CCDC30: variants seen among roughly 807,000 people sequenced by gnomAD.
CCDC30 encodes coiled-coil domain-containing protein 30.
In CCDC30, 70 loss-of-function variants were observed where a neutral mutation model predicts 100.2. The ratio of observed to expected loss-of-function variants is 0.70; its 90% confidence interval spans 0.58 to 0.85. CCDC30 has a LOEUF of 0.85. Among genes scored for constraint, CCDC30 ranks in the 40% least tolerant of loss-of-function variants. CCDC30 has a pLI of 0.00. For missense variants in CCDC30, 652 were observed against 771.2 expected (o/e 0.85, Z 1.83); for synonymous variants, 233 against 269.5 (o/e 0.86, Z 1.33).
chr1:42,572,482 T>C (rs1411838509), intron 7 of CCDC30, among the ~76,000 whole-genome samples: 1 of 152,236 alleles, frequency 6.6e-6, no homozygotes, highest in Non-Finnish European at 1.5e-5. Flanking sequence ...ATATATCTTT[T>C]GATGAATCAA....
chr1:42,633,902 C>G (rs1041432337), intron 11 of CCDC30, among the ~76,000 whole-genome samples: 1 of 152,110 alleles, frequency 6.6e-6, no homozygotes, highest in African/African-American at 2.4e-5. Context: ...AACTTACAAT[C>G]GTGGCACAAG....
chr1:42,644,803 G>T, exon 14 of CCDC30: 1 of 1,598,840 alleles, frequency 6.3e-7, no homozygotes, highest in Non-Finnish European at 8.6e-7. Flanking sequence ...ATTCGCAGAG[G>T]AGAGGTAAGA....
At chr1:42,469,915 A>G (rs1643712070) in intron 1 of CCDC30, among the ~76,000 whole-genome samples, 1 of 152,230 alleles carries the variant, frequency 6.6e-6, no homozygotes, top group Non-Finnish European at 1.5e-5. Flanking sequence ...CAACTCATAA[A>G]TGACCCAGCG....
intron 11 of CCDC30, among the ~76,000 whole-genome samples, chr1:42,617,193 C>T (rs1570261264): frequency 1.3e-5 from 2 of 152,118 alleles, no homozygotes; most frequent in Non-Finnish European, 2.9e-5. Flanking sequence ...AATCCCAGCA[C>T]TTTCAGAGGC....
At chr1:42,626,933 G>C (rs571386862) in intron 11 of CCDC30, among the ~76,000 whole-genome samples, 1 of 152,102 alleles carries the variant, frequency 6.6e-6, no homozygotes, top group African/African-American at 2.4e-5. Flanking sequence ...ACAGTAAATT[G>C]GTACCAGTAG....
At chr1:42,554,024 T>G (rs1645314641) in intron 6 of CCDC30, among the ~76,000 whole-genome samples, 1 of 152,152 alleles carries the variant, frequency 6.6e-6, no homozygotes, top group Admixed American at 6.5e-5. Context: ...TGTATGTGTG[T>G]ACACACGTTA....
intron 6 of CCDC30, chr1:42,509,987 T>C: frequency 2.2e-6 from 2 of 897,642 alleles, no homozygotes; most frequent in Non-Finnish European, 1.3e-6. Flanking sequence ...AAATTAACTT[T>C]TCCCAGTTTG....
chr1:42,576,897 T>A (rs539796126), intron 7 of CCDC30, 123 bp from the exon 12 acceptor site: 2 of 674,918 alleles, frequency 3.0e-6, no homozygotes, highest in Admixed American at 5.6e-5. Context: ...AAAGAGGTAC[T>A]CAGCCATGTG....
chr1:42,537,969 CAA>C (rs573354651), intron 6 of CCDC30: 46 of 123,626 alleles, frequency 3.7e-4, no homozygotes, highest in Non-Finnish European at 6.2e-4. Context: ...AACTCCATCT[CAA>C]AAAAAAAAAA....
At chr1:42,456,984 C>T in the CCDC30 span, 12 of 1,602,876 alleles carry the variant, frequency 7.5e-6, no homozygotes, top group Non-Finnish European at 1.0e-5. Flanking sequence ...GAGGCTGCGG[C>T]TGCAGGCACC....
At chr1:42,482,222 C>CAAA (rs11399996) in intron 2 of CCDC30, among the ~76,000 whole-genome samples, 1 of 127,432 alleles carries the variant, frequency 7.8e-6, no homozygotes, top group African/African-American at 2.9e-5. Flanking sequence ...GACTCCATCT[C>CAAA]AAAAAAAAAA....
At position 42,501,232 on chromosome 1, in the gene CCDC30, T is replaced by C. The variant is rs200945830; in HGVS notation, c.456+2316T>C. ...CTGTGAGGTAAAATTGAGAGGTTCA[T>C]TCATTTTTAGTGTATATCCAGTTAT... On this transcript the variant is annotated intron_variant, in intron 6 of 16. Coordinates refer to ENST00000668663, the Ensembl canonical transcript of CCDC30. Among the ~76,000 whole-genome samples, 8 of 144,816 alleles carry C rather than the reference T, an allele frequency of 5.5e-5. No homozygotes were observed. In the East Asian group the frequency reaches 1.9e-3, roughly 34 times the overall value.
intron 1 of CCDC30, among the ~76,000 whole-genome samples, chr1:42,465,087 A>G (rs1016695992): frequency 2.0e-5 from 3 of 152,224 alleles, no homozygotes; most frequent in African/African-American, 7.2e-5. Context: ...TTTATTGAAT[A>G]GCAAGGCATA....
intron 10 of CCDC30, among the ~76,000 whole-genome samples, chr1:42,607,550 C>G (rs1204829078): frequency 8.3e-6 from 1 of 120,614 alleles, no homozygotes; most frequent in Non-Finnish European, 1.7e-5. Flanking sequence ...AAGAACTTGT[C>G]TCTATAAAAA....
chr1:42,554,864 C>T (rs554909156), intron 6 of CCDC30, among the ~76,000 whole-genome samples: 1 of 152,146 alleles, frequency 6.6e-6, no homozygotes, highest in East Asian at 1.9e-4. Flanking sequence ...TTACTTTCCC[C>T]TTTCTCCCTG....
chr1:42,632,558 G>A (rs1221175604), intron 11 of CCDC30, among the ~76,000 whole-genome samples: 1 of 151,912 alleles, frequency 6.6e-6, no homozygotes, highest in African/African-American at 2.4e-5. Flanking sequence ...GAGGTCAGGA[G>A]TTCGAGACCA....
intron 11 of CCDC30, among the ~76,000 whole-genome samples, chr1:42,633,057 G>A (rs549305314): frequency 1.1e-4 from 17 of 152,044 alleles, no homozygotes; most frequent in Non-Finnish European, 1.5e-4. Context: ...TGATCTGCCC[G>A]CCTCTGCCTC....
intron 4 of CCDC30, among the ~76,000 whole-genome samples, chr1:42,494,458 G>A (rs1427867075): frequency 6.6e-6 from 1 of 152,142 alleles, no homozygotes; most frequent in Non-Finnish European, 1.5e-5. Flanking sequence ...AGGACTTCAT[G>A]TCTAAAACAC....
rs555286843 is a variant in CCDC30 at position 42,518,500 on chromosome 1, G to C, written c.456+19584G>C. Reference sequence around the variant, plus strand: ...GTTTTCATTGTACCTTTTCTGATTAGATATGTTTAGATATACAAATACCAT... The same window carrying C: ...GTTTTCATTGTACCTTTTCTGATTACATATGTTTAGATATACAAATACCAT... On this transcript the variant is annotated intron_variant, in intron 6 of 16. Coordinates refer to ENST00000668663, the Ensembl canonical transcript of CCDC30. Among the ~76,000 whole-genome samples, 16 of 152,214 alleles carry C rather than the reference G, an allele frequency of 1.1e-4. No homozygotes were observed. The East Asian group carries it at 1.9e-3, about 18-fold the overall frequency.
Sources: gnomAD v4.1 joint callset for allele counts (sites outside exome capture counted in the v4.1 genomes callset) on GRCh38, gnomAD v4.1.1 for gene constraint, MANE v1.5 for transcripts, NCBI Gene and HGNC (gene_info 2026-07-23, HGNC 2026-07-21) for gene names.